Variants in NEXMIF observed in about 807,000 individuals in gnomAD.
The protein encoded by NEXMIF is XLMR protein related to neurite extension.
Under a neutral mutation model 62.1 loss-of-function variants are expected in NEXMIF, and 8 were observed. The observed-to-expected ratio is 0.13, with a 90% CI of 0.08 to 0.23. The LOEUF (loss-of-function observed/expected upper bound fraction) is 0.23. Ranked by LOEUF, NEXMIF falls within the 10% of genes least tolerant of loss-of-function variation. The pLI is 1.00. For missense variants in NEXMIF, 976 were observed against 1,113.3 expected (o/e 0.88, Z 1.75); for synonymous variants, 404 against 416.6 (o/e 0.97, Z 0.37).
At chrX:74,819,735 G>A (rs2080388393) in intron 1 of NEXMIF, among the ~76,000 whole-genome samples, 1 of 111,881 alleles carries the variant, frequency 8.9e-6, no homozygotes, top group Non-Finnish European at 1.9e-5. Context: ...TTACACTGTT[G>A]GTGGGAGTGT....
rs768503508 is a variant in NEXMIF, at chrX:74,743,580, G to C, written c.977C>G (p.Thr326Ser). The C allele has an allele frequency of 1.2e-5, 15 of 1,209,719 alleles. No individual in the cohort carries two copies. In the Admixed American group the frequency reaches 3.1e-4, roughly 25 times the overall value. Reference sequence around the variant, plus strand: ...TTGGGCATCTTCCTGCATCAAAAGAGTAGTCTTGTCTCGAACATTGTCCTG... The same window carrying C: ...TTGGGCATCTTCCTGCATCAAAAGACTAGTCTTGTCTCGAACATTGTCCTG... ...SFQDNVRDKT[T>S]LLMQEDAQFN... The change falls in exon 3 of 4, where the codon ACT (threonine) becomes AGT (serine). Residue 326 changes from threonine to serine, a missense_variant. Physicochemically the swap from Thr to Ser is moderately conservative, Grantham distance 58. Around this residue, in one of 5 missense-constraint regions of NEXMIF, gnomAD observed 639 missense variants for 694.5 expected, o/e 0.92. Coordinates refer to ENST00000055682, the MANE Select transcript of NEXMIF (RefSeq NM_001008537.3).
Position 74,743,732 on chromosome X carries a change from G to C in NEXMIF, c.825C>G (p.Leu275=), listed in dbSNP as rs1171850209. Residue 275 remains leucine, a synonymous_variant, in exon 3 of 4, where the codon CTC becomes CTG. Coordinates refer to ENST00000055682, the MANE Select transcript of NEXMIF (RefSeq NM_001008537.3). ...TGACAGACAGCTCATTTTTGGAACA[G>C]AGGTCAAGCAGTTCAATCTTACTTT... ...ISESKIELLD[L]CSKNELSVNL... is the part of the protein sequence containing the mutation. 1 of 1,211,846 alleles carries C rather than the reference G, an allele frequency of 8.3e-7. No individual in the cohort carries two copies. The highest frequency in any genetic ancestry group is 1.1e-6 in the Non-Finnish European group (1 of 895,518).
At chrX:74,871,113 A>G (rs1378312404) in intron 1 of NEXMIF, among the ~76,000 whole-genome samples, 1 of 111,935 alleles carries the variant, frequency 8.9e-6, no homozygotes, top group South Asian at 3.8e-4. Context: ...GTATCGGGGG[A>G]ACCAGCCCCC....
rs762403792 is a variant in NEXMIF at position 74,900,661 on chromosome X, G to A, written c.-48+24222C>T. Among the ~76,000 whole-genome samples the A allele has an allele frequency of 1.7e-4, 19 of 110,435 alleles. No individual in the cohort carries two copies. The South Asian group carries it at 7.0e-3, about 41-fold the overall frequency. ...ATATGACCCAACAATCCCACTTCTG[G>A]GTATATACTCAAAATTATTGAAGGC... On this transcript the variant is annotated intron_variant, in intron 1 of 3. Transcript: ENST00000055682.
intron 1 of NEXMIF, among the ~76,000 whole-genome samples, chrX:74,862,615 G>T (rs2080561998): frequency 9.0e-6 from 1 of 111,093 alleles, no homozygotes; most frequent in Non-Finnish European, 1.9e-5. Flanking sequence ...AATGCAAAAG[G>T]ACTGATATCA....
chrX:74,905,353 C>T (rs2080764145), intron 1 of NEXMIF, among the ~76,000 whole-genome samples: 1 of 111,300 alleles, frequency 9.0e-6, no homozygotes, highest in Non-Finnish European at 1.9e-5. Context: ...AGAATACATA[C>T]CAAGCTTATC....
At chrX:74,767,527 C>T (rs1021090115) in intron 1 of NEXMIF, among the ~76,000 whole-genome samples, 21 of 111,598 alleles carry the variant, frequency 1.9e-4, no homozygotes, top group Non-Finnish European at 3.0e-4. Context: ...CTGGCTGATT[C>T]TTTGTAGAGC....
At chrX:74,803,842 G>T (rs892715147) in intron 1 of NEXMIF, among the ~76,000 whole-genome samples, 3 of 110,527 alleles carry the variant, frequency 2.7e-5, no homozygotes, top group Non-Finnish European at 1.9e-5. Context: ...GAGAAATAAA[G>T]ACTTTCCAGA....
chrX:74,765,990 G>A (rs1431649964), intron 1 of NEXMIF, among the ~76,000 whole-genome samples: 3 of 104,196 alleles, frequency 2.9e-5, no homozygotes, highest in East Asian at 3.1e-4. Flanking sequence ...GCAGTGAGCC[G>A]AGATCGCACT....
At chrX:74,799,432 C>T (rs1360077324) in intron 1 of NEXMIF, among the ~76,000 whole-genome samples, 7 of 111,222 alleles carry the variant, frequency 6.3e-5, no homozygotes, top group African/African-American at 2.3e-4. Flanking sequence ...TGCATACATA[C>T]ATACATCAAA....
intron 1 of NEXMIF, among the ~76,000 whole-genome samples, chrX:74,903,932 GC>G (rs1193739405): frequency 9.5e-6 from 1 of 105,417 alleles, no homozygotes; most frequent in African/African-American, 3.5e-5. Context: ...AAGTGGTGTG[GC>G]TTTGTTGGGA....
intron 1 of NEXMIF, among the ~76,000 whole-genome samples, chrX:74,858,968 A>G (rs2080545431): frequency 9.1e-6 from 1 of 110,355 alleles, no homozygotes. Context: ...ACACAGTAAG[A>G]GTAGACAAAA....
At chrX:74,788,914 T>C (rs1438991958) in intron 1 of NEXMIF, among the ~76,000 whole-genome samples, 1 of 111,466 alleles carries the variant, frequency 9.0e-6, no homozygotes, top group African/African-American at 3.3e-5. Flanking sequence ...AGAAACTTCA[T>C]CTTCCAGGTA....
At chrX:74,875,779 T>C (rs190911160) in intron 1 of NEXMIF, among the ~76,000 whole-genome samples, 8,418 of 111,002 alleles carry the variant, frequency 0.076, 855 homozygotes, top group African/African-American at 0.27. Context: ...AGTTTATTTG[T>C]GTAGAGGTGT....
At chrX:74,923,706 A>C (rs1156676294) in intron 1 of NEXMIF, among the ~76,000 whole-genome samples, 1 of 112,109 alleles carries the variant, frequency 8.9e-6, no homozygotes, top group Non-Finnish European at 1.9e-5. Flanking sequence ...CACCAAAAAC[A>C]ACCAAGGATA....
At chrX:74,865,565 A>G (rs1044544209) in intron 1 of NEXMIF, among the ~76,000 whole-genome samples, 1 of 112,447 alleles carries the variant, frequency 8.9e-6, no homozygotes, top group Non-Finnish European at 1.9e-5. Flanking sequence ...AATGTTAATC[A>G]CCAAGACAAT....
intron 1 of NEXMIF, among the ~76,000 whole-genome samples, chrX:74,808,241 T>C (rs1323456102): frequency 9.1e-6 from 1 of 110,385 alleles, no homozygotes; most frequent in Non-Finnish European, 1.9e-5. Context: ...CTGTCTCTAC[T>C]AAAAATTCAA....
chrX:74,752,192 G>A (rs1042659510), intron 1 of NEXMIF, among the ~76,000 whole-genome samples: 7 of 111,911 alleles, frequency 6.3e-5, no homozygotes, highest in Admixed American at 1.9e-4. Context: ...TAAGTTTTGT[G>A]TGATACTGAG....
intron 1 of NEXMIF, among the ~76,000 whole-genome samples, chrX:74,766,295 A>G (rs1045400693): frequency 9.0e-6 from 1 of 111,675 alleles, no homozygotes; most frequent in Admixed American, 9.5e-5. Flanking sequence ...GTAAGGTTGG[A>G]GAAGTTTTCA....
Sources: gnomAD v4.1 joint callset for allele counts (sites outside exome capture counted in the v4.1 genomes callset) on GRCh38, gnomAD v4.1.1 for gene constraint, gnomAD v4.1.1 regional missense constraint, MANE v1.5 for transcripts, NCBI Gene and HGNC (gene_info 2026-07-23, HGNC 2026-07-21) for gene names.